Variants in UTS2B observed in about 807,000 individuals in gnomAD.
The protein encoded by UTS2B is urotensin-2B.
A neutral mutation model predicts 19.2 loss-of-function variants in UTS2B; 21 were observed. The ratio of observed to expected loss-of-function variants is 1.09; its 90% CI spans 0.78 to 1.58. The LOEUF (loss-of-function observed/expected upper bound fraction) is 1.58, where lower values mean the gene tolerates loss of function less well. Ranked by LOEUF, UTS2B falls within the 40% of genes most tolerant of loss-of-function variation. The pLI, the probability that UTS2B is intolerant of heterozygous loss-of-function variation, is 0.00. For synonymous variants in UTS2B, 57 were observed against 50.2 expected, an observed-to-expected ratio of 1.14 and a Z score of -0.58; for missense variants, 138 against 130.3, an observed-to-expected ratio of 1.06 and a Z score of -0.29.
chr3:191,324,418 G>T (rs1194290494), intron 2 of UTS2B, among the ~76,000 whole-genome samples: 2 of 152,176 alleles, frequency 1.3e-5, no homozygotes, highest in African/African-American at 2.4e-5. Flanking sequence ...ATCTTAAATT[G>T]TAGCTCCCAT....
At chr3:191,326,497 C>T (rs1270853628) in intron 2 of UTS2B, among the ~76,000 whole-genome samples, 1 of 151,866 alleles carries the variant, frequency 6.6e-6, no homozygotes, top group Non-Finnish European at 1.5e-5. Context: ...TAATATCCAC[C>T]TAGAAAAAAA....
chr3:191,313,708 T>A (rs189659003), intron 3 of UTS2B, among the ~76,000 whole-genome samples: 1 of 149,830 alleles, frequency 6.7e-6, no homozygotes, highest in African/African-American at 2.5e-5. Flanking sequence ...ACTAAGACAA[T>A]GCATTCCTCC....
chr3:191,306,995 A>G (rs1717157755), intron 3 of UTS2B, among the ~76,000 whole-genome samples: 1 of 152,090 alleles, frequency 6.6e-6, no homozygotes, highest in Admixed American at 6.6e-5. Context: ...CCCTTCCAAA[A>G]CCTTGGTTCA....
chr3:191,328,594 G>A (rs1430533307), intron 2 of UTS2B, 37 bp downstream of exon 2: 9 of 152,278 alleles, frequency 5.9e-5, no homozygotes, highest in Non-Finnish European at 1.3e-4. Context: ...GTAGTCTCGA[G>A]GTTCAGACAT....
chr3:191,301,388 C>T (rs1716994341), intron 4 of UTS2B, among the ~76,000 whole-genome samples: 1 of 151,864 alleles, frequency 6.6e-6, no homozygotes, highest in Non-Finnish European at 1.5e-5. Flanking sequence ...GTGTTGAGAA[C>T]TGTGAAGATT....
rs534754826 is a variant in UTS2B, at chr3:191,313,771, C to T, written c.-182+2265G>A. On this transcript the variant is annotated intron_variant, in intron 3 of 8. Transcript: ENST00000340524. ...TTTGAGATGAGGTCTCACTCTGTCGCCCAGGCTAGAGTGCAGTGGCACCAT... is the reference window on the plus strand; with the variant it reads ...TTTGAGATGAGGTCTCACTCTGTCGTCCAGGCTAGAGTGCAGTGGCACCAT... 1.4e-3 allele frequency among the ~76,000 whole-genome samples: 207 copies of T among 144,564 alleles called. 5 individuals carry two copies. Among genetic ancestry groups the T allele is most frequent in the African/African-American group, 5.1e-3 (198 of 39,026 alleles). The allele number at this position is 144,564 out of a possible 152,430, so 94.8% of individuals were successfully genotyped here. A position where few individuals can be genotyped will look rare whatever the true frequency, so the allele number is the denominator to read the frequency against.
At chr3:191,315,797 A>G (rs1179788600) in intron 3 of UTS2B, among the ~76,000 whole-genome samples, 1 of 152,168 alleles carries the variant, frequency 6.6e-6, no homozygotes, top group Non-Finnish European at 1.5e-5. Flanking sequence ...ATATGTTTTT[A>G]AATTTTATTA....
chr3:191,329,686 C>T (rs1429717716), intron 1 of UTS2B: 3 of 1,610,278 alleles, frequency 1.9e-6, no homozygotes, highest in Non-Finnish European at 2.5e-6. Flanking sequence ...TGGCTGAAGT[C>T]AGCATCGACC....
chr3:191,291,463 T>TC (rs1383506544), intron 4 of UTS2B, among the ~76,000 whole-genome samples: 1 of 151,684 alleles, frequency 6.6e-6, no homozygotes, highest in Non-Finnish European at 1.5e-5. Flanking sequence ...ACCACTTTCT[T>TC]TTTTTTTGAG....
intron 4 of UTS2B, among the ~76,000 whole-genome samples, chr3:191,294,001 G>C (rs143746947): frequency 6.6e-6 from 1 of 151,760 alleles, no homozygotes; most frequent in Non-Finnish European, 1.5e-5. Flanking sequence ...CCAGCTACTC[G>C]GGTGGCTGAG....
chr3:191,315,013 A>AAATTT (rs1560145870), intron 3 of UTS2B, among the ~76,000 whole-genome samples: 1 of 143,518 alleles, frequency 7.0e-6, no homozygotes, highest in African/African-American at 2.6e-5. Flanking sequence ...CCACCCTAGA[A>AAATTT]TTTTTTTTTT....
At chr3:191,288,414 G>T (rs1380911872) in intron 4 of UTS2B, among the ~76,000 whole-genome samples, 2 of 152,078 alleles carry the variant, frequency 1.3e-5, no homozygotes, top group African/African-American at 4.8e-5. Context: ...CATGCCACTG[G>T]CATAACAACA....
At chr3:191,269,167 A>T (rs1486249895) in intron 8 of UTS2B, among the ~76,000 whole-genome samples, 4 of 152,218 alleles carry the variant, frequency 2.6e-5, no homozygotes, top group Non-Finnish European at 5.9e-5. Flanking sequence ...AGCTTATAAA[A>T]CTAAGCCCCT....
At chr3:191,344,631 T>C in the UTS2B span, among the ~76,000 whole-genome samples, 4 of 152,298 alleles carry the variant, frequency 2.6e-5, no homozygotes, top group Admixed American at 2.0e-4. Context: ...CAGGCTGGAT[T>C]GCAGTAGCAC....
At chr3:191,293,418 T>A (rs570242778) in intron 4 of UTS2B, among the ~76,000 whole-genome samples, 2 of 152,260 alleles carry the variant, frequency 1.3e-5, no homozygotes, top group South Asian at 4.1e-4. Context: ...ATTCAACCTT[T>A]TTACTTCTAT....
At chr3:191,302,865 C>G (rs1576926999) in intron 4 of UTS2B, among the ~76,000 whole-genome samples, 2 of 152,134 alleles carry the variant, frequency 1.3e-5, no homozygotes, top group East Asian at 3.9e-4. Context: ...GTCTCTTGCT[C>G]CTCTTTCCCT....
intron 4 of UTS2B, among the ~76,000 whole-genome samples, chr3:191,303,955 G>A (rs4247188): frequency 0.27 from 41,172 of 151,732 alleles, 6,350 homozygotes; most frequent in African/African-American, 0.41. Context: ...GCAGAAGAAA[G>A]AATTGCCTGG....
rs1716675031 is a variant in UTS2B, at chr3:191,290,240, C to T, written c.-124-7927G>A. Among the ~76,000 whole-genome samples, 4 of 152,124 alleles carry T rather than the reference C, an allele frequency of 2.6e-5. No homozygotes were observed. The South Asian group carries it at 8.3e-4, about 32-fold the overall frequency. On this transcript the variant is annotated intron_variant, in intron 4 of 8. Coordinates refer to ENST00000340524, the MANE Select transcript of UTS2B (RefSeq NM_198152.5). ...TCTTGTCATGAGTGCATAACCAAATCATTCAAATAAAAGCAGATGTTTACT... is the reference window on the plus strand; with the variant it reads ...TCTTGTCATGAGTGCATAACCAAATTATTCAAATAAAAGCAGATGTTTACT...
intron 2 of UTS2B, among the ~76,000 whole-genome samples, chr3:191,323,560 G>T (rs1717666430): frequency 6.6e-6 from 1 of 152,196 alleles, no homozygotes; most frequent in Admixed American, 6.5e-5. Flanking sequence ...TGTGCTATCA[G>T]TGTGTTTTGG....
Sources: gnomAD v4.1 joint callset for allele counts (sites outside exome capture counted in the v4.1 genomes callset) on GRCh38, gnomAD v4.1.1 for gene constraint, MANE v1.5 for transcripts, NCBI Gene and HGNC (gene_info 2026-07-23, HGNC 2026-07-21) for gene names.